Variants in CACUL1 observed in about 807,000 individuals in gnomAD.
CACUL1 encodes CDK2 associated cullin domain 1, also known as CDK2-associated and cullin domain-containing protein 1.
In CACUL1, 13 loss-of-function variants were observed where a neutral mutation model predicts 45.2. That is an observed-to-expected ratio of 0.29 (90% CI 0.19 to 0.46). The LOEUF (loss-of-function observed/expected upper bound fraction) is 0.46. Among genes scored for constraint, CACUL1 ranks in the 20% least tolerant of loss-of-function variants. The probability of loss-of-function intolerance (pLI) is 1.00; values close to 1 mark genes in which losing one functional copy is unlikely to be tolerated. For missense variants in CACUL1, 421 were observed against 471.4 expected, an observed-to-expected ratio of 0.89 and a Z score of 0.99; for synonymous variants, 197 against 174.2, an observed-to-expected ratio of 1.13 and a Z score of -1.03.
intron 3 of CACUL1, among the ~76,000 whole-genome samples, chr10:118,716,120 T>C (rs1184945731): frequency 2.0e-5 from 3 of 151,600 alleles, no homozygotes; most frequent in Non-Finnish European, 4.4e-5. Context: ...TAGTCCCAGC[T>C]ACTCCGGAGG....
At position 118,685,000 on chromosome 10, in the gene CACUL1, C is replaced by G. The variant is rs1845190032; in HGVS notation, c.*1128G>C. 1 of 152,214 alleles carries G rather than the reference C, an allele frequency of 6.6e-6. No individual in the cohort carries two copies. Among genetic ancestry groups the G allele is most frequent in the Non-Finnish European group, 1.5e-5 (1 of 68,048 alleles). The allele number at this position is 152,214 out of a possible 1,614,324, so 9.4% of individuals were successfully genotyped here. A position where few individuals can be genotyped will look rare whatever the true frequency, so the allele number is the denominator to read the frequency against. On this transcript the variant is annotated 3_prime_UTR_variant, in exon 9 of 9. Transcript: ENST00000369151. ...TGGAGAAACAGAAATATAGCTTTGC[C>G]ACAGCTGGAAGGGAGCCTTAGGACA...
At chr10:118,719,549 C>T (rs1014383790) in intron 3 of CACUL1, among the ~76,000 whole-genome samples, 1 of 152,194 alleles carries the variant, frequency 6.6e-6, no homozygotes, top group African/African-American at 2.4e-5. Context: ...CGGTGGCTCA[C>T]ACCTGTAATC....
rs1047783518 is a variant in CACUL1, at chr10:118,678,464, T to C, written c.*7664A>G. The stretch of plus-strand genomic sequence containing the variant: ...AAAGGTCTTGGATATCCTTGGCCCT[T>C]TGCTCTTCCATTTATATCGACGAAT... On this transcript the variant is annotated 3_prime_UTR_variant, in exon 9 of 9. Transcript: ENST00000369151. 1.3e-5 allele frequency: 2 copies of C among 152,204 alleles called. No individual in the cohort carries two copies. The highest frequency in any genetic ancestry group is 2.9e-5 in the Non-Finnish European group (2 of 68,034). The allele number at this position is 152,204 out of a possible 1,614,324, so 9.4% of individuals were successfully genotyped here.
rs1845148600 is a variant in CACUL1, at chr10:118,681,064, T to G, written c.*5064A>C. 6.6e-6 allele frequency: 1 copy of G among 152,232 alleles called. No homozygotes were observed. 9.4% of individuals were successfully genotyped at this position (152,232 alleles called of 1,614,324 possible). A position where few individuals can be genotyped will look rare whatever the true frequency, so the allele number is the denominator to read the frequency against. ...ATATGCCCTAATACAGAAGGAGTGA[T>G]TCAGAACCCACCAAAAGATCAAGAG... On this transcript the variant is annotated 3_prime_UTR_variant, in exon 9 of 9. Coordinates refer to ENST00000369151, the MANE Select transcript of CACUL1 (RefSeq NM_153810.5).
In CACUL1 at chr10:118,754,797, C is replaced by A. The variant is rs758883775; in HGVS notation, c.-35G>T. The A allele has an allele frequency of 6.6e-7, 1 of 1,520,752 alleles. No homozygotes were observed. Among genetic ancestry groups the A allele is most frequent in the Admixed American group, 2.2e-5 (1 of 44,978 alleles). 94.2% of individuals were successfully genotyped at this position (1,520,752 alleles called of 1,614,324 possible). A position where few individuals can be genotyped will look rare whatever the true frequency, so the allele number is the denominator to read the frequency against. On this transcript the variant is annotated 5_prime_UTR_variant, in exon 1 of 9. Transcript: ENST00000369151. ...CCCCGGCACCCGCCCGCCTCACAGG[C>A]ACCTGCCGCCTGTCTCAACCCCGGG...
At chr10:118,715,551 T>C (rs886801324) in intron 3 of CACUL1, among the ~76,000 whole-genome samples, 10 of 152,210 alleles carry the variant, frequency 6.6e-5, no homozygotes, top group East Asian at 1.9e-4. Context: ...CGTTTGGCTA[T>C]TGAGCCTTGG....
intron 1 of CACUL1, among the ~76,000 whole-genome samples, chr10:118,731,137 AG>A (rs1282535833): frequency 1.3e-5 from 2 of 152,212 alleles, no homozygotes; most frequent in African/African-American, 2.4e-5. Flanking sequence ...TTTGAAATCC[AG>A]GTAACAGTTG....
chr10:118,744,289 G>C (rs970975546), intron 1 of CACUL1, among the ~76,000 whole-genome samples: 3 of 152,272 alleles, frequency 2.0e-5, no homozygotes, highest in South Asian at 2.1e-4. Flanking sequence ...AGGAGGCTGG[G>C]GCAGGAGCAT....
intron 3 of CACUL1, among the ~76,000 whole-genome samples, chr10:118,712,700 C>T (rs1423662885): frequency 6.6e-6 from 1 of 152,202 alleles, no homozygotes; most frequent in Non-Finnish European, 1.5e-5. Flanking sequence ...TGCAGCTGGT[C>T]GTCCCACTGT....
chr10:118,701,286 G>A lies in CACUL1; in HGVS notation c.796+20C>T, dbSNP rs750203520. On this transcript the variant is annotated intron_variant, in intron 5 of 8. Coordinates refer to ENST00000369151, the MANE Select transcript of CACUL1 (RefSeq NM_153810.5). ...GATCATTGCTAGTGTTATCTCACCC[G>A]TATAAGCTGAATTACTTACGCATTA... 13 of 1,365,688 alleles carry A rather than the reference G, an allele frequency of 9.5e-6. No homozygotes were observed. The highest frequency in any genetic ancestry group is 4.1e-5 in the South Asian group (3 of 72,340). 84.6% of individuals were successfully genotyped at this position (1,365,688 alleles called of 1,614,324 possible).
At chr10:118,713,492 G>C (rs1194813691) in intron 3 of CACUL1, among the ~76,000 whole-genome samples, 1 of 149,082 alleles carries the variant, frequency 6.7e-6, no homozygotes, top group East Asian at 1.9e-4. Flanking sequence ...CTCCAGATGG[G>C]CCGCCACTGC....
chr10:118,735,702 G>A (rs932189880), intron 1 of CACUL1, among the ~76,000 whole-genome samples: 1 of 152,062 alleles, frequency 6.6e-6, no homozygotes, highest in African/African-American at 2.4e-5. Context: ...ATGTTAAAAA[G>A]GTAGCTAGGA....
At position 118,691,329 on chromosome 10, in the gene CACUL1, G is replaced by C; in HGVS notation, c.961C>G (p.Leu321Val). The C allele has an allele frequency of 1.2e-6, 2 of 1,612,540 alleles. No homozygotes were observed. The highest frequency in any genetic ancestry group is 1.7e-6 in the Non-Finnish European group (2 of 1,178,620). The change falls in exon 7 of 9, where the codon CTT (leucine) becomes GTT (valine). Residue 321 changes from leucine to valine, a missense_variant. By Grantham distance (32) the Leu-to-Val change is conservative (BLOSUM62 1). Coordinates refer to ENST00000369151, the MANE Select transcript of CACUL1 (RefSeq NM_153810.5). The stretch of plus-strand genomic sequence containing the variant: ...TGATCTTGAGCAGCATATTCAGAAA[G>C]TTCAGATTCCACCGCCGGAGGGAGA... The part of the protein sequence containing the change: ...NILPPAVESE[L>V]SEYAAQDQKF...
intron 3 of CACUL1, among the ~76,000 whole-genome samples, chr10:118,716,478 C>T (rs975444184): frequency 2.0e-5 from 3 of 152,044 alleles, no homozygotes; most frequent in African/African-American, 7.2e-5. Flanking sequence ...TTCATCAGTC[C>T]CTTGTCACTG....
rs1425445145 is a variant in CACUL1, at chr10:118,684,854, T to C, written c.*1274A>G. 2 of 152,242 alleles carry C rather than the reference T, an allele frequency of 1.3e-5. No individual in the cohort carries two copies. Among genetic ancestry groups the C allele is most frequent in the African/African-American group, 4.8e-5 (2 of 41,466 alleles). The allele number at this position is 152,242 out of a possible 1,614,324, so 9.4% of individuals were successfully genotyped here. On this transcript the variant is annotated 3_prime_UTR_variant, in exon 9 of 9. Coordinates refer to ENST00000369151, the MANE Select transcript of CACUL1 (RefSeq NM_153810.5). ...TAGAGAAGCCTATGCTCAATTAAGA[T>C]TCAAGCAAAATTGAGAAGAAAAGTA...
intron 1 of CACUL1, among the ~76,000 whole-genome samples, chr10:118,750,042 G>A (rs949667821): frequency 6.6e-6 from 1 of 152,186 alleles, no homozygotes; most frequent in Non-Finnish European, 1.5e-5. Context: ...AATAAGAAAG[G>A]AGGGCCGGGC....
chr10:118,724,522 C>G (rs1190729962), intron 3 of CACUL1, among the ~76,000 whole-genome samples: 1 of 152,166 alleles, frequency 6.6e-6, no homozygotes, highest in Admixed American at 6.5e-5. Flanking sequence ...TAAAACCACT[C>G]AAGTTTTTTT....
Position 118,754,468 on chromosome 10 carries a change from C to T in CACUL1, c.295G>A (p.Ala99Thr). 3.1e-6 allele frequency: 5 copies of T among 1,606,986 alleles called. No individual in the cohort carries two copies. Among genetic ancestry groups the T allele is most frequent in the Non-Finnish European group, 4.2e-6 (5 of 1,177,162 alleles). Residue 99 changes from alanine (A) to threonine (T), a missense_variant, in exon 1 of 9, where the codon GCC becomes ACC. Around this residue, in one of 2 missense-constraint regions of CACUL1, gnomAD observed 213 missense variants for 173.1 expected, o/e 1.23. Coordinates refer to ENST00000369151, the MANE Select transcript of CACUL1 (RefSeq NM_153810.5). ...MMLKSCDAAA[A>T]VAKAAPAPTA... is the part of the protein sequence containing the mutation. ...GGGGCGGGGGCCGCCTTGGCCACGG[C>T]GGCGGCCGCGTCGCAGCTCTTCAAC...
At chr10:118,738,351 G>T (rs1414954037) in intron 1 of CACUL1, among the ~76,000 whole-genome samples, 1 of 152,190 alleles carries the variant, frequency 6.6e-6, no homozygotes, top group Non-Finnish European at 1.5e-5. Flanking sequence ...GTGAGGGAGT[G>T]AGAAGCACAG....
Sources: allele counts gnomAD v4.1 joint callset (sites outside exome capture counted in the v4.1 genomes callset), GRCh38; gene constraint gnomAD v4.1.1; regional missense constraint gnomAD v4.1.1; transcripts MANE v1.5; gene names NCBI Gene and HGNC (gene_info 2026-07-23, HGNC 2026-07-21).